Variants in PPM1E observed in about 807,000 individuals in gnomAD.
The protein encoded by PPM1E is protein phosphatase, Mg2+/Mn2+ dependent 1E.
A neutral mutation model predicts 65.9 loss-of-function variants in PPM1E; 20 were observed. The ratio of observed to expected loss-of-function variants is 0.30; its 90% CI spans 0.21 to 0.44. PPM1E has a LOEUF of 0.44. PPM1E is among the 20% of genes least tolerant of loss of function. PPM1E has a pLI of 1.00. For synonymous variants in PPM1E, 352 were observed against 374.9 expected, an observed-to-expected ratio of 0.94 and a Z score of 0.70; for missense variants, 713 against 953.1, an observed-to-expected ratio of 0.75 and a Z score of 3.32.
intron 1 of PPM1E, among the ~76,000 whole-genome samples, chr17:58,922,754 G>C (rs567081743): frequency 6.9e-6 from 1 of 145,664 alleles, no homozygotes; most frequent in Non-Finnish European, 1.5e-5. Context: ...GTGCGATCTC[G>C]GCTCACTGCA....
At chr17:58,939,322 G>A (rs1468304437) in intron 1 of PPM1E, among the ~76,000 whole-genome samples, 1 of 152,156 alleles carries the variant, frequency 6.6e-6, no homozygotes, top group African/African-American at 2.4e-5. Flanking sequence ...TAAATATTTG[G>A]AGGATAAAGA....
rs549698099 is a variant in PPM1E at position 58,882,951 on chromosome 17, CTTT to C, written c.465-72680_465-72678del. Among the ~76,000 whole-genome samples the C allele has an allele frequency of 6.1e-5, 6 of 98,862 alleles. No homozygotes were observed. The South Asian group carries it at 2.2e-3, about 37-fold the overall frequency. 64.9% of individuals were successfully genotyped at this position (98,862 alleles called of 152,430 possible). On this transcript the variant is annotated intron_variant, in intron 1 of 6. Coordinates refer to ENST00000308249, the MANE Select transcript of PPM1E (RefSeq NM_014906.5). Reference sequence around the variant, plus strand: ...AGGTTTTCATTTTTGTTATTACTTTCTTTTTTTTTTTTTTTTTTTTGAGATGGA... The same window carrying C: ...AGGTTTTCATTTTTGTTATTACTTTCTTTTTTTTTTTTTTTTTGAGATGGA...
intron 1 of PPM1E, among the ~76,000 whole-genome samples, chr17:58,888,296 GT>G (rs56794340): frequency 0.64 from 93,689 of 145,494 alleles, 30,054 homozygotes; most frequent in African/African-American, 0.72. Context: ...AACTTCGTCT[GT>G]TTTTTTTTTC....
intron 1 of PPM1E, among the ~76,000 whole-genome samples, chr17:58,947,133 T>G: frequency 6.8e-6 from 1 of 146,380 alleles, no homozygotes; most frequent in Admixed American, 6.9e-5. Context: ...TTTTTTTTTT[T>G]TTTTTAGACA....
intron 1 of PPM1E, among the ~76,000 whole-genome samples, chr17:58,928,659 A>C (rs910708450): frequency 6.6e-6 from 1 of 151,940 alleles, no homozygotes; most frequent in Non-Finnish European, 1.5e-5. Context: ...GTATTTGCCC[A>C]AGAAAAATGA....
Position 58,982,816 on chromosome 17 carries a change from A to T in PPM1E, c.*1785A>T, listed in dbSNP as rs2031439366. 8.2e-7 allele frequency: 1 copy of T among 1,226,274 alleles called. No homozygotes were observed. Among genetic ancestry groups the T allele is most frequent in the African/African-American group, 1.5e-5 (1 of 65,946 alleles). 76.0% of individuals were successfully genotyped at this position (1,226,274 alleles called of 1,614,324 possible). A position where few individuals can be genotyped will look rare whatever the true frequency, so the allele number is the denominator to read the frequency against. ...ACTATAGTGCCGGAACCTTTTCATCATTCTGAGGCTTTGCCCCACACATGG... is the reference window on the plus strand; with the variant it reads ...ACTATAGTGCCGGAACCTTTTCATCTTTCTGAGGCTTTGCCCCACACATGG... On this transcript the variant is annotated 3_prime_UTR_variant, in exon 7 of 7. Transcript: ENST00000308249.
rs1057151013 is a variant in PPM1E at position 58,972,752 on chromosome 17, A to G, written c.1117-80A>G. On this transcript the variant is annotated intron_variant, in intron 5 of 6. Transcript: ENST00000308249. ...ACCTTTTCATGAGCTGATGAGTATT[A>G]TATCTGTTGTTTACTGTTAAAGTAA... 6 of 1,247,850 alleles carry G rather than the reference A, an allele frequency of 4.8e-6. No individual in the cohort carries two copies. In the African/African-American group the frequency reaches 5.9e-5, roughly 12 times the overall value. 77.3% of individuals were successfully genotyped at this position (1,247,850 alleles called of 1,614,324 possible).
At chr17:58,853,015 T>C (rs1019717120) in intron 1 of PPM1E, among the ~76,000 whole-genome samples, 5 of 152,198 alleles carry the variant, frequency 3.3e-5, no homozygotes, top group African/African-American at 9.6e-5. Flanking sequence ...TTGTCAGATA[T>C]ATGATTTGCA....
At chr17:58,806,406 C>A (rs2143076982) in intron 1 of PPM1E, among the ~76,000 whole-genome samples, 1 of 151,908 alleles carries the variant, frequency 6.6e-6, no homozygotes, top group East Asian at 1.9e-4. Context: ...ATAATTAGAT[C>A]TGTTTTCTAA....
At chr17:58,869,969 A>G (rs2051051684) in intron 1 of PPM1E, among the ~76,000 whole-genome samples, 1 of 152,250 alleles carries the variant, frequency 6.6e-6, no homozygotes, top group African/African-American at 2.4e-5. Context: ...CAAATTCTCT[A>G]GCAAATCCAA....
At chr17:58,961,079 G>A (rs996141374) in intron 2 of PPM1E, among the ~76,000 whole-genome samples, 2 of 152,026 alleles carry the variant, frequency 1.3e-5, no homozygotes, top group African/African-American at 4.8e-5. Context: ...AACTACCCAA[G>A]TGACATCCTT....
chr17:58,875,335 CTT>C (rs1361798521), intron 1 of PPM1E, among the ~76,000 whole-genome samples: 1 of 152,306 alleles, frequency 6.6e-6, no homozygotes, highest in East Asian at 1.9e-4. Flanking sequence ...CAGATTGACA[CTT>C]TGAGAAATGT....
intron 1 of PPM1E, among the ~76,000 whole-genome samples, chr17:58,790,080 T>G (rs2050141809): frequency 6.6e-6 from 1 of 152,186 alleles, no homozygotes; most frequent in Admixed American, 6.6e-5. Context: ...ACTGTGATGA[T>G]GTAAGCAGCA....
chr17:58,979,538 G>T (rs1219511590), intron 6 of PPM1E, among the ~76,000 whole-genome samples: 1 of 152,182 alleles, frequency 6.6e-6, no homozygotes, highest in Non-Finnish European at 1.5e-5. Flanking sequence ...GCTTTGGTTT[G>T]CTTCTTTCAA....
rs750572348 is a variant in PPM1E at position 58,980,213 on chromosome 17, A to G, written c.1450A>G (p.Ile484Val). ...TGGGTCAAGTGATAACATCACGGTTATTGTGGTATTCCTGAGGGACATGAA... is the reference window on the plus strand; with the variant it reads ...TGGGTCAAGTGATAACATCACGGTTGTTGTGGTATTCCTGAGGGACATGAA... ...DAGSSDNITV[I>V]VVFLRDMNKA... is the part of the protein sequence containing the mutation. The change falls in exon 7 of 7, where the codon ATT (isoleucine) becomes GTT (valine). Residue 484 changes from isoleucine to valine, a missense_variant. By Grantham distance (29) the Ile-to-Val change is conservative. Around this residue, in one of 6 missense-constraint regions of PPM1E, gnomAD observed 88 missense variants for 231.1 expected, o/e 0.38. Coordinates refer to ENST00000308249, the MANE Select transcript of PPM1E (RefSeq NM_014906.5). The surrounding 1 kb of genome is among the most constrained non-coding windows in gnomAD (Gnocchi z 4.7). The G allele has an allele frequency of 3.7e-5, 60 of 1,614,090 alleles. No individual in the cohort carries two copies. The highest frequency in any genetic ancestry group is 5.0e-5 in the Non-Finnish European group (59 of 1,180,042).
Position 58,831,478 on chromosome 17 carries a change from A to G in PPM1E, c.464+75017A>G, listed in dbSNP as rs567215703. Among the ~76,000 whole-genome samples the G allele has an allele frequency of 2.6e-5, 4 of 152,312 alleles. No homozygotes were observed. The East Asian group carries it at 5.8e-4, about 22-fold the overall frequency. ...TTGTGTCTTTGAATATTCTGTTTCA[A>G]TTAATCAGAAAATGAACATTTTCTC... On this transcript the variant is annotated intron_variant, in intron 1 of 6. Transcript: ENST00000308249.
intron 1 of PPM1E, among the ~76,000 whole-genome samples, chr17:58,823,909 T>G (rs1168865337): frequency 6.6e-6 from 1 of 151,946 alleles, no homozygotes; most frequent in Non-Finnish European, 1.5e-5. Context: ...TTTTTGTATT[T>G]TTAGTAGAGA....
chr17:58,852,914 A>G (rs1461370931), intron 1 of PPM1E, among the ~76,000 whole-genome samples: 1 of 151,872 alleles, frequency 6.6e-6, no homozygotes, highest in Non-Finnish European at 1.5e-5. Context: ...CCATTTGTAT[A>G]TCTTCTTTGG....
At chr17:58,905,052 A>G (rs1298457200) in intron 1 of PPM1E, among the ~76,000 whole-genome samples, 1 of 150,646 alleles carries the variant, frequency 6.6e-6, no homozygotes, top group Non-Finnish European at 1.5e-5. Context: ...ACAACAAAAA[A>G]CAACAAACAA....
Sources: gnomAD v4.1 joint callset for allele counts (sites outside exome capture counted in the v4.1 genomes callset) on GRCh38, gnomAD v4.1.1 for gene constraint, gnomAD v4.1.1 regional missense constraint, Gnocchi (gnomAD v3.1) non-coding constraint, MANE v1.5 for transcripts, NCBI Gene and HGNC (gene_info 2026-07-23, HGNC 2026-07-21) for gene names.